BCAS3: variants seen among roughly 807,000 people sequenced by gnomAD.
BCAS3 encodes BCAS3 microtubule associated cell migration factor.
In BCAS3, 53 loss-of-function variants were observed where a neutral mutation model predicts 116.1. That is an observed-to-expected ratio of 0.46 (90% confidence interval 0.37 to 0.57). BCAS3 has a LOEUF of 0.57. Ranked by LOEUF, BCAS3 falls within the 20% of genes least tolerant of loss-of-function variation. The probability of loss-of-function intolerance (pLI) is 0.00; values close to 1 mark genes in which losing one functional copy is unlikely to be tolerated. For missense variants in BCAS3, 917 were observed against 1,165.4 expected (o/e 0.79, Z 3.10); for synonymous variants, 391 against 408.2 (o/e 0.96, Z 0.51).
chr17:60,889,846 C>A, intron 10 of BCAS3, 75 bp downstream of exon 10: 1 of 1,332,568 alleles, frequency 7.5e-7, no homozygotes, highest in Non-Finnish European at 1.1e-6. Context: ...AATACCTGTG[C>A]TCCATAGTTG....
rs528844829 is a variant in BCAS3, at chr17:61,366,971, C to T, written c.2426-1356C>T. Among the ~76,000 whole-genome samples the T allele has an allele frequency of 3.9e-4, 60 of 152,308 alleles. No individual in the cohort carries two copies. Among genetic ancestry groups the T allele is most frequent in the Non-Finnish European group, 2.2e-4 (15 of 68,024 alleles). On this transcript the variant is annotated intron_variant, in intron 22 of 23. Transcript: ENST00000407086. This position sits in a 1 kb window ranked among gnomAD's most constrained non-coding sequence, Gnocchi z 4.5. Reference sequence around the variant, plus strand: ...GAGTCACCGGCTGTCGGAGTGTTTACTAACGGTTATCACCTCAATGCTGTG... The same window carrying T: ...GAGTCACCGGCTGTCGGAGTGTTTATTAACGGTTATCACCTCAATGCTGTG...
intron 6 of BCAS3, among the ~76,000 whole-genome samples, chr17:60,768,242 G>A (rs970776091): frequency 2.0e-4 from 30 of 152,220 alleles, no homozygotes; most frequent in African/African-American, 5.5e-4. Flanking sequence ...AACTTGATTG[G>A]ATTGAAGGAT....
intron 4 of BCAS3, among the ~76,000 whole-genome samples, chr17:60,703,574 T>A (rs527826018): frequency 7.3e-4 from 106 of 144,676 alleles, no homozygotes; most frequent in African/African-American, 2.7e-3. Flanking sequence ...AAAAAAAAAA[T>A]TAATTAAAAT....
intron 7 of BCAS3, among the ~76,000 whole-genome samples, chr17:60,811,710 A>G (rs2048842382): frequency 6.6e-6 from 1 of 152,202 alleles, no homozygotes; most frequent in Admixed American, 6.5e-5. Context: ...TTTATATAAA[A>G]CTCAAATGGA....
In BCAS3 at chr17:60,785,468, C is replaced by T. The variant is rs536922680; in HGVS notation, c.404-22536C>T. On this transcript the variant is annotated intron_variant, in intron 6 of 23. Transcript: ENST00000407086. The stretch of plus-strand genomic sequence containing the variant: ...GCCACTGCGCCCAGCCAGTAGTTTC[C>T]CTTTTGAAAGTCTGTTTCATATGAA... 5.9e-5 allele frequency among the ~76,000 whole-genome samples: 9 copies of T among 152,214 alleles called. No individual in the cohort carries two copies. In the East Asian group the frequency reaches 9.7e-4, roughly 16 times the overall value.
chr17:61,142,382 T>C lies in BCAS3; in HGVS notation c.2425+57818T>C, dbSNP rs1482954501. Among the ~76,000 whole-genome samples, 4 of 152,168 alleles carry C rather than the reference T, an allele frequency of 2.6e-5. No individual in the cohort carries two copies. The East Asian group carries it at 7.7e-4, about 29-fold the overall frequency. ...TGGTAATGGAGGAATACTGATCCAA[T>C]CCAAAGTGGATGTTTGCATGGAGGA... On this transcript the variant is annotated intron_variant, in intron 22 of 23. Transcript: ENST00000407086.
chr17:60,940,986 T>C (rs2060192372), intron 13 of BCAS3, among the ~76,000 whole-genome samples: 1 of 152,226 alleles, frequency 6.6e-6, no homozygotes, highest in African/African-American at 2.4e-5. Flanking sequence ...TGACGCCCAG[T>C]TGAAAAGACT....
In BCAS3 at chr17:61,325,970, G is replaced by A. The variant is rs779934584; in HGVS notation, c.2426-42357G>A. ...GGCAGAGAACAGAGTGAAAAATCGT[G>A]TTGTCATACATTACTAAGCACCCAC... On this transcript the variant is annotated intron_variant, in intron 22 of 23. Coordinates refer to ENST00000407086, the MANE Select transcript of BCAS3 (RefSeq NM_017679.5). The surrounding 1 kb of genome is among the most constrained non-coding windows in gnomAD (Gnocchi z 6.4). 1.3e-5 allele frequency among the ~76,000 whole-genome samples: 2 copies of A among 152,138 alleles called. No individual in the cohort carries two copies.
chr17:60,694,647 ATT>A (rs112280067), intron 4 of BCAS3, among the ~76,000 whole-genome samples: 22 of 142,570 alleles, frequency 1.5e-4, no homozygotes, highest in African/African-American at 2.8e-4. Context: ...CATGGTCTTA[ATT>A]TTTTTTTTTT....
Position 61,151,473 on chromosome 17 carries a change from T to C in BCAS3, c.2425+66909T>C, listed in dbSNP as rs1261042470. On this transcript the variant is annotated intron_variant, in intron 22 of 23. Transcript: ENST00000407086. This position sits in a 1 kb window ranked among gnomAD's most constrained non-coding sequence, Gnocchi z 4.8. ...CTAAACATCTCTTTCATTCAACGTT[T>C]TCTTTTTTTTTTGAGATAGGGTTTC... Among the ~76,000 whole-genome samples, 2 of 147,282 alleles carry C rather than the reference T, an allele frequency of 1.4e-5. No homozygotes were observed. Among genetic ancestry groups the C allele is most frequent in the Admixed American group, 6.6e-5 (1 of 15,172 alleles).
Position 61,333,548 on chromosome 17 carries a change from T to A in BCAS3, c.2426-34779T>A, listed in dbSNP as rs959305980. 6.6e-6 allele frequency among the ~76,000 whole-genome samples: 1 copy of A among 152,136 alleles called. No individual in the cohort carries two copies. The highest frequency in any genetic ancestry group is 1.5e-5 in the Non-Finnish European group (1 of 68,036). On this transcript the variant is annotated intron_variant, in intron 22 of 23. Coordinates refer to ENST00000407086, the MANE Select transcript of BCAS3 (RefSeq NM_017679.5). The surrounding 1 kb of genome is among the most constrained non-coding windows in gnomAD (Gnocchi z 4.8). ...TGTCTGCCAGCGCTCACTGCCTTCC[T>A]GAGCCCAACAGCCCCTTTCTTGCCC...
At chr17:61,142,072 A>C (rs2076953636) in intron 22 of BCAS3, among the ~76,000 whole-genome samples, 1 of 151,698 alleles carries the variant, frequency 6.6e-6, no homozygotes, top group Non-Finnish European at 1.5e-5. Context: ...TGTTTATTAC[A>C]TGTAAGATTC....
chr17:61,035,100 A>G (rs2066914147), intron 17 of BCAS3, among the ~76,000 whole-genome samples: 1 of 152,044 alleles, frequency 6.6e-6, no homozygotes, highest in Non-Finnish European at 1.5e-5. Flanking sequence ...AGCTAGTTTC[A>G]CCCCTGGTCT....
chr17:60,935,709 T>C (rs1400967015), intron 13 of BCAS3, among the ~76,000 whole-genome samples: 7 of 152,208 alleles, frequency 4.6e-5, no homozygotes, highest in Non-Finnish European at 1.0e-4. Flanking sequence ...TGAAACTTTA[T>C]CTTTCATCTA....
chr17:61,053,820 C>G (rs1403493176), intron 19 of BCAS3, among the ~76,000 whole-genome samples: 1 of 152,198 alleles, frequency 6.6e-6, no homozygotes, highest in Non-Finnish European at 1.5e-5. Context: ...CTCTCCAGGT[C>G]TGAAAATCTG....
rs956551418 is a variant in BCAS3 at position 61,366,846 on chromosome 17, T to G, written c.2426-1481T>G. 6.6e-6 allele frequency among the ~76,000 whole-genome samples: 1 copy of G among 152,238 alleles called. No individual in the cohort carries two copies. The highest frequency in any genetic ancestry group is 1.5e-5 in the Non-Finnish European group (1 of 68,042). On this transcript the variant is annotated intron_variant, in intron 22 of 23. Transcript: ENST00000407086. This position sits in a 1 kb window ranked among gnomAD's most constrained non-coding sequence, Gnocchi z 4.5. ...TTGGCTGACGAAATTCAGGAGCCAG[T>G]AGTGACCCTTGCCACACATATAAAT...
intron 2 of BCAS3, 120 bp from the exon 3 acceptor site, chr17:60,683,862 A>C (rs1206714413): frequency 2.3e-6 from 2 of 875,272 alleles, no homozygotes; most frequent in South Asian, 1.7e-5. Flanking sequence ...AAACAAAAAA[A>C]CCCCAAAAAA....
chr17:61,183,903 A>T (rs541135013), intron 22 of BCAS3, among the ~76,000 whole-genome samples: 8 of 152,360 alleles, frequency 5.3e-5, no homozygotes, highest in Admixed American at 3.9e-4. Context: ...AACATTTCAA[A>T]AGGCAATATG....
chr17:61,067,722 CAAACAA>C (rs1384267633), intron 19 of BCAS3, among the ~76,000 whole-genome samples: 76 of 80,554 alleles, frequency 9.4e-4, no homozygotes, highest in African/African-American at 4.5e-3. Flanking sequence ...CTCAAACAAA[CAAACAA>C]AAAAAAAAAA....
Sources: gnomAD v4.1 joint callset for allele counts (sites outside exome capture counted in the v4.1 genomes callset) on GRCh38, gnomAD v4.1.1 for gene constraint, Gnocchi (gnomAD v3.1) non-coding constraint, MANE v1.5 for transcripts, NCBI Gene and HGNC (gene_info 2026-07-23, HGNC 2026-07-21) for gene names.